BBX: variants seen among roughly 807,000 people sequenced by gnomAD.
The protein encoded by BBX is BBX high mobility group box domain containing, also known as HMG box transcription factor BBX.
In BBX, 30 loss-of-function variants were observed where a neutral mutation model predicts 100.2. The observed-to-expected ratio is 0.30, with a 90% CI of 0.22 to 0.41. The LOEUF is 0.41. Among genes scored for constraint, BBX ranks in the 10% least tolerant of loss-of-function variants. The pLI is 1.00. For synonymous variants in BBX, 376 were observed against 388.1 expected (o/e 0.97, Z 0.37); for missense variants, 1,023 against 1,129.8 (o/e 0.91, Z 1.35).
At chr3:107,789,747 T>C in intron 13 of BBX, 40 bp from the exon 14 acceptor site, 2 of 1,311,884 alleles carry the variant, frequency 1.5e-6, no homozygotes, top group Non-Finnish European at 2.1e-6. Context: ...TTATGAAACA[T>C]TGTGAATTTA....
chr3:107,545,276 C>T (rs2049150947), intron 2 of BBX, among the ~76,000 whole-genome samples: 1 of 152,092 alleles, frequency 6.6e-6, no homozygotes, highest in Admixed American at 6.5e-5. Flanking sequence ...GCATCTATCC[C>T]CTTTATCCAT....
chr3:107,634,265 C>T (rs2056726628), intron 2 of BBX, among the ~76,000 whole-genome samples: 1 of 152,222 alleles, frequency 6.6e-6, no homozygotes, highest in Non-Finnish European at 1.5e-5. Flanking sequence ...TGTTAGTATG[C>T]ATTGAGTTCT....
At chr3:107,791,124 G>A (rs1426427205) in intron 14 of BBX, 116 bp from the exon 15 acceptor site, 1 of 748,164 alleles carries the variant, frequency 1.3e-6, no homozygotes, top group Admixed American at 2.2e-5. Context: ...ATAAAATTCA[G>A]CTTTATTTGT....
At chr3:107,669,360 G>C (rs2058911839) in intron 3 of BBX, among the ~76,000 whole-genome samples, 1 of 152,110 alleles carries the variant, frequency 6.6e-6, no homozygotes, top group Non-Finnish European at 1.5e-5. Flanking sequence ...AGGCAAAAAA[G>C]CACTCCATTG....
chr3:107,602,334 A>G (rs1478031949), intron 2 of BBX, among the ~76,000 whole-genome samples: 3 of 152,204 alleles, frequency 2.0e-5, no homozygotes, highest in Non-Finnish European at 4.4e-5. Flanking sequence ...TGCTATAAAT[A>G]GTGATTATAG....
chr3:107,755,025 C>T (rs950193082), intron 9 of BBX, among the ~76,000 whole-genome samples: 5 of 152,174 alleles, frequency 3.3e-5, no homozygotes, highest in Non-Finnish European at 5.9e-5. Flanking sequence ...ATTAACTGTA[C>T]AACTCAGATT....
At chr3:107,598,984 TG>T (rs769298592) in intron 2 of BBX, among the ~76,000 whole-genome samples, 1 of 151,980 alleles carries the variant, frequency 6.6e-6, no homozygotes, top group Non-Finnish European at 1.5e-5. Flanking sequence ...GCAGTGACCC[TG>T]GGGGAGGAAG....
At chr3:107,652,765 C>T (rs1458970911) in intron 3 of BBX, among the ~76,000 whole-genome samples, 5 of 152,140 alleles carry the variant, frequency 3.3e-5, no homozygotes, top group Non-Finnish European at 7.4e-5. Context: ...AGGCGGGGAA[C>T]TTGCTCATAA....
Position 107,526,502 on chromosome 3 carries a change from C to T in BBX, c.-84+104C>T, listed in dbSNP as rs1429046918. 3 of 396,124 alleles carry T rather than the reference C, an allele frequency of 7.6e-6. No individual in the cohort carries two copies. The East Asian group carries it at 1.1e-4, about 14-fold the overall frequency. 24.5% of individuals were successfully genotyped at this position (396,124 alleles called of 1,614,324 possible). On this transcript the variant is annotated intron_variant, in intron 2 of 17. Coordinates refer to ENST00000325805, the MANE Select transcript of BBX (RefSeq NM_001142568.3). The stretch of plus-strand genomic sequence containing the variant: ...AAGATGCTTTATTGGGGTTACAGCA[C>T]CCCAGAAACCTTGTCTCACTGAGTT...
At chr3:107,801,074 T>G (rs1055766832) in intron 16 of BBX, 21 bp from the exon 17 acceptor site, 2 of 1,611,210 alleles carry the variant, frequency 1.2e-6, no homozygotes, top group Admixed American at 3.3e-5. Flanking sequence ...CCTCTCATGA[T>G]GGATTTCTCT....
At position 107,784,792 on chromosome 3, in the gene BBX, G is replaced by A. The variant is rs181168109; in HGVS notation, c.2204-4995G>A. Among the ~76,000 whole-genome samples, 640 of 151,632 alleles carry A rather than the reference G, an allele frequency of 4.2e-3. 1 individual carries two copies. Among genetic ancestry groups the A allele is most frequent in the Non-Finnish European group, 6.1e-3 (415 of 67,736 alleles). ...CAAACTCAAAGGAAGCAGAAGAAAG[G>A]AAATAATAAAGATTAGAGAAGAAGT... On this transcript the variant is annotated intron_variant, in intron 13 of 17. Transcript: ENST00000325805.
chr3:107,589,700 A>T (rs2053152502), intron 2 of BBX, among the ~76,000 whole-genome samples: 1 of 152,192 alleles, frequency 6.6e-6, no homozygotes, highest in African/African-American at 2.4e-5. Flanking sequence ...GTCTCTGGGA[A>T]GATACCAAAG....
chr3:107,653,767 G>C (rs2057982939), intron 3 of BBX, among the ~76,000 whole-genome samples: 1 of 152,152 alleles, frequency 6.6e-6, no homozygotes, highest in Non-Finnish European at 1.5e-5. Context: ...GAATGCCCTG[G>C]TTTCTGAGAG....
At chr3:107,628,314 G>A (rs1245496873) in intron 2 of BBX, among the ~76,000 whole-genome samples, 1 of 151,752 alleles carries the variant, frequency 6.6e-6, no homozygotes, top group Non-Finnish European at 1.5e-5. Context: ...AAAAGCAGCT[G>A]ATTATAAATG....
At chr3:107,697,749 T>A (rs1346201551) in intron 3 of BBX, among the ~76,000 whole-genome samples, 2 of 151,800 alleles carry the variant, frequency 1.3e-5, no homozygotes, top group East Asian at 3.9e-4. Context: ...CTGGCTGCTT[T>A]GTTTACCTAA....
At chr3:107,565,220 ATTTT>A (rs1271307524) in intron 2 of BBX, among the ~76,000 whole-genome samples, 1 of 151,368 alleles carries the variant, frequency 6.6e-6, no homozygotes, top group Non-Finnish European at 1.5e-5. Context: ...TTGTCAGTTG[ATTTT>A]TTTGTTTTTT....
At chr3:107,777,554 A>G (rs1172333727) in intron 12 of BBX, among the ~76,000 whole-genome samples, 1 of 152,148 alleles carries the variant, frequency 6.6e-6, no homozygotes, top group African/African-American at 2.4e-5. Flanking sequence ...TGTTAGTTTA[A>G]TAAGTCTCAC....
intron 2 of BBX, among the ~76,000 whole-genome samples, chr3:107,532,318 C>T (rs1229150655): frequency 6.6e-6 from 1 of 152,024 alleles, no homozygotes; most frequent in African/African-American, 2.4e-5. Flanking sequence ...GTGATAAAGC[C>T]ACTCCTTTTT....
chr3:107,746,471 G>T (rs1352534148), intron 8 of BBX, among the ~76,000 whole-genome samples: 2 of 152,124 alleles, frequency 1.3e-5, no homozygotes, highest in African/African-American at 4.8e-5. Context: ...TTTCTACCTA[G>T]TTTGTTAAAT....
Sources: allele counts gnomAD v4.1 joint callset (sites outside exome capture counted in the v4.1 genomes callset), GRCh38; gene constraint gnomAD v4.1.1; transcripts MANE v1.5; gene names NCBI Gene and HGNC (gene_info 2026-07-23, HGNC 2026-07-21).